Variants in ZBTB40 observed in about 807,000 individuals in gnomAD.
ZBTB40 encodes the protein zinc finger and BTB domain-containing protein 40.
Under a neutral mutation model 117.5 loss-of-function variants are expected in ZBTB40, and 60 were observed. The observed-to-expected ratio is 0.51, with a 90% CI of 0.41 to 0.63. ZBTB40 has a LOEUF of 0.63. ZBTB40 is among the 30% of genes least tolerant of loss of function. The probability of loss-of-function intolerance (pLI) is 0.00; values close to 1 mark genes in which losing one functional copy is unlikely to be tolerated. For synonymous variants in ZBTB40, 525 were observed against 577.1 expected, an observed-to-expected ratio of 0.91 and a Z score of 1.29; for missense variants, 1,287 against 1,498.5, an observed-to-expected ratio of 0.86 and a Z score of 2.33.
Position 22,511,832 on chromosome 1 carries a change from A to G in ZBTB40, c.2159A>G (p.Gln720Arg). 2 of 1,614,212 alleles carry G rather than the reference A, an allele frequency of 1.2e-6. No individual in the cohort carries two copies. The highest frequency in any genetic ancestry group is 1.7e-6 in the Non-Finnish European group (2 of 1,180,022). Reference protein sequence around the residue: ...DQGETGSLPGQQEKEASASPD... With the variant: ...DQGETGSLPGRQEKEASASPD... ...GGAGAGACTGGTTCCTTGCCAGGAC[A>G]GCAAGAGAAAGAGGCTTCAGCCTCC... The change falls in exon 11 of 18, where the codon CAG becomes CGG. Residue 720 changes from glutamine to arginine, a missense_variant. Transcript: ENST00000375647.
intron 1 of ZBTB40, among the ~76,000 whole-genome samples, chr1:22,455,919 T>G (rs1217360312): frequency 6.6e-6 from 1 of 152,180 alleles, no homozygotes; most frequent in Non-Finnish European, 1.5e-5. Flanking sequence ...CAAATTAGTA[T>G]GCCCTGTTGC....
chr1:22,450,687 G>A (rs932237641), upstream of ZBTB40, among the ~76,000 whole-genome samples: 6 of 152,222 alleles, frequency 3.9e-5, no homozygotes, highest in African/African-American at 1.4e-4. Context: ...CTGCATGTCA[G>A]ACAGTGACAG....
intron 1 of ZBTB40, among the ~76,000 whole-genome samples, chr1:22,473,870 C>T (rs1641474864): frequency 6.6e-6 from 1 of 152,098 alleles, no homozygotes. Flanking sequence ...AACCTGAGTT[C>T]GAGTGTGGAT....
In ZBTB40 at chr1:22,451,995, T is replaced by A. The variant is rs763057000; in HGVS notation, c.-79T>A. On this transcript the variant is annotated 5_prime_UTR_variant, in exon 1 of 18. Transcript: ENST00000375647. ...AATAAAGAACGGCAGTTTGAATCGG[T>A]GCTGAACAGGTAACCATAGAAACGG... 3.9e-5 allele frequency: 6 copies of A among 152,990 alleles called. No homozygotes were observed. Among genetic ancestry groups the A allele is most frequent in the Non-Finnish European group, 7.3e-5 (5 of 68,470 alleles). 9.5% of individuals were successfully genotyped at this position (152,990 alleles called of 1,614,324 possible). A position where few individuals can be genotyped will look rare whatever the true frequency, so the allele number is the denominator to read the frequency against.
At chr1:22,451,779 C>G (rs1557477822), upstream of ZBTB40, 1 of 152,286 alleles carries the variant, frequency 6.6e-6, no homozygotes, top group African/African-American at 2.4e-5. Context: ...GGAGAGCGAG[C>G]GCGTGACGCA....
intron 1 of ZBTB40, among the ~76,000 whole-genome samples, 158 bp downstream of exon 1, chr1:22,452,162 C>T (rs902932195): frequency 6.6e-6 from 1 of 152,166 alleles, no homozygotes; most frequent in Non-Finnish European, 1.5e-5. Flanking sequence ...CCCGGACGTG[C>T]CCCCTCCAGG....
At chr1:22,461,450 T>C (rs1263508733) in intron 1 of ZBTB40, among the ~76,000 whole-genome samples, 1 of 151,454 alleles carries the variant, frequency 6.6e-6, no homozygotes, top group East Asian at 2.0e-4. Context: ...TTAACAGCAA[T>C]AGAGAAGTTA....
At chr1:22,474,190 G>T (rs1339233038) in intron 1 of ZBTB40, among the ~76,000 whole-genome samples, 1 of 152,184 alleles carries the variant, frequency 6.6e-6, no homozygotes, top group African/African-American at 2.4e-5. Context: ...AAGGCATACA[G>T]GCCATTCGAG....
intron 1 of ZBTB40, among the ~76,000 whole-genome samples, chr1:22,445,914 G>C (rs1193038797): frequency 1.3e-5 from 2 of 150,618 alleles, no homozygotes; most frequent in African/African-American, 4.9e-5. Context: ...ATGATTTAAA[G>C]AGACAAAGCA....
At chr1:22,505,142 A>G (rs1477303263) in intron 5 of ZBTB40, among the ~76,000 whole-genome samples, 1 of 152,218 alleles carries the variant, frequency 6.6e-6, no homozygotes, top group Non-Finnish European at 1.5e-5. Context: ...CTGGCATACT[A>G]CCATGACTAG....
In ZBTB40 at chr1:22,509,331, GTTTTTCCTTCTTTT is replaced by G. The variant is rs1639167706; in HGVS notation, c.1833+108_1833+121del. The G allele has an allele frequency of 5.8e-6, 9 of 1,548,074 alleles. No homozygotes were observed. In the South Asian group the frequency reaches 1.0e-4, roughly 17 times the overall value. Reference sequence around the variant, plus strand: ...AGAGGAACCAATAGTTGGTTGGGTTGTTTTTCCTTCTTTTTTTTTCCTTTTTCTCTTTTGAGACA... The same window carrying G: ...AGAGGAACCAATAGTTGGTTGGGTTGTTTTTCCTTTTTCTCTTTTGAGACA... On this transcript the variant is annotated intron_variant, in intron 9 of 17. Coordinates refer to ENST00000375647, the MANE Select transcript of ZBTB40 (RefSeq NM_014870.4).
chr1:22,441,245 G>A (rs1346627767), intron 1 of ZBTB40, among the ~76,000 whole-genome samples: 3 of 151,888 alleles, frequency 2.0e-5, no homozygotes, highest in Non-Finnish European at 2.9e-5. Flanking sequence ...TTTCATCTAG[G>A]TTATCCAATT....
chr1:22,475,657 TC>T (rs1452005790), intron 1 of ZBTB40, among the ~76,000 whole-genome samples: 2 of 152,222 alleles, frequency 1.3e-5, no homozygotes, highest in Non-Finnish European at 2.9e-5. Flanking sequence ...CTCCTTTTCT[TC>T]CTTTCCCTCT....
intron 1 of ZBTB40, among the ~76,000 whole-genome samples, chr1:22,446,035 G>A (rs1353613395): frequency 2.0e-5 from 3 of 152,094 alleles, no homozygotes; most frequent in Non-Finnish European, 4.4e-5. Context: ...GAGACAGCGT[G>A]CAAGAACAGA....
chr1:22,499,434 G>A (rs1045524263), intron 3 of ZBTB40, among the ~76,000 whole-genome samples: 1 of 152,226 alleles, frequency 6.6e-6, no homozygotes, highest in African/African-American at 2.4e-5. Context: ...GTCCATTTTA[G>A]ATGCTGCCTG....
At chr1:22,474,087 A>T (rs146248650) in intron 1 of ZBTB40, among the ~76,000 whole-genome samples, 28 of 152,282 alleles carry the variant, frequency 1.8e-4, no homozygotes, top group African/African-American at 6.7e-4. Context: ...TTTATGCCTG[A>T]TTCACACCCT....
chr1:22,517,748 G>A, intron 13 of ZBTB40: 1 of 399,790 alleles, frequency 2.5e-6, no homozygotes, highest in Admixed American at 3.9e-5. Flanking sequence ...TTGTTTGAAG[G>A]AGAAAGCCTC....
At chr1:22,525,772 G>A (rs1282830716) in intron 17 of ZBTB40, among the ~76,000 whole-genome samples, 1 of 152,222 alleles carries the variant, frequency 6.6e-6, no homozygotes, top group Non-Finnish European at 1.5e-5. Flanking sequence ...GTCCAGAGAG[G>A]CTGCCCCGGG....
chr1:22,526,131 T>G (rs955280814), intron 17 of ZBTB40, 71 bp from the exon 18 acceptor site: 5 of 1,553,554 alleles, frequency 3.2e-6, no homozygotes, highest in Non-Finnish European at 4.4e-6. Context: ...CAGCATGAGA[T>G]GAAAACCATG....
Sources: allele counts gnomAD v4.1 joint callset (sites outside exome capture counted in the v4.1 genomes callset), GRCh38; gene constraint gnomAD v4.1.1; transcripts MANE v1.5; gene names NCBI Gene and HGNC (gene_info 2026-07-23, HGNC 2026-07-21).